The following SLC24A3 variants were observed in gnomAD, a reference collection of about 807,000 sequenced individuals.
SLC24A3 encodes the protein sodium/potassium/calcium exchanger 3.
A neutral mutation model predicts 75.8 loss-of-function variants in SLC24A3; 28 were observed. That is an observed-to-expected ratio of 0.37 (90% CI 0.27 to 0.51). SLC24A3 has a LOEUF of 0.51. Ranked by LOEUF, SLC24A3 falls within the 20% of genes least tolerant of loss-of-function variation. The pLI is 0.94. For synonymous variants in SLC24A3, 372 were observed against 334.1 expected, an observed-to-expected ratio of 1.11 and a Z score of -1.24; for missense variants, 663 against 847.8, an observed-to-expected ratio of 0.78 and a Z score of 2.71.
Position 19,325,815 on chromosome 20 carries a change from G to T in SLC24A3, c.271+44728G>T, listed in dbSNP as rs1180485842. Among the ~76,000 whole-genome samples the T allele has an allele frequency of 2.2e-3, 237 of 106,226 alleles. 3 individuals carry two copies. Among genetic ancestry groups the T allele is most frequent in the African/African-American group, 0.012 (226 of 19,100 alleles). 69.7% of individuals were successfully genotyped at this position (106,226 alleles called of 152,430 possible). A position where few individuals can be genotyped will look rare whatever the true frequency, so the allele number is the denominator to read the frequency against. On this transcript the variant is annotated intron_variant, in intron 2 of 16. Coordinates refer to ENST00000328041, the MANE Select transcript of SLC24A3 (RefSeq NM_020689.4). The stretch of plus-strand genomic sequence containing the variant: ...ATATATAGAGAGAGAGAGAGAGAGA[G>T]AGAGAGAGAGAGAGAGAGAGAGAGG...
At chr20:19,695,341 C>T (rs1402773338) in intron 13 of SLC24A3, 2 of 152,166 alleles carry the variant, frequency 1.3e-5, no homozygotes, top group Non-Finnish European at 2.9e-5. Context: ...GAGGGAGATC[C>T]AGTGGCATCC....
At chr20:19,681,816 G>A (rs1483413759) in intron 9 of SLC24A3, 42 bp from the exon 10 acceptor site, 1 of 1,612,910 alleles carries the variant, frequency 6.2e-7, no homozygotes, top group Non-Finnish European at 8.5e-7. Context: ...ATGGGAGAAT[G>A]GAAAACACTG....
Position 19,609,476 on chromosome 20 carries a change from A to G in SLC24A3, c.612+23932A>G, listed in dbSNP as rs557088277. ...GCAGGCTTTTGTTATATAGGTATAC[A>G]TGTACCATGGTGGTTTGCTGCTATC... On this transcript the variant is annotated intron_variant, in intron 6 of 16. Transcript: ENST00000328041. Among the ~76,000 whole-genome samples the G allele has an allele frequency of 3.6e-4, 55 of 152,212 alleles. 1 individual carries two copies. The South Asian group carries it at 0.011, about 31-fold the overall frequency.
chr20:19,231,051 T>C (rs1053252419), intron 1 of SLC24A3, among the ~76,000 whole-genome samples: 1 of 152,222 alleles, frequency 6.6e-6, no homozygotes, highest in African/African-American at 2.4e-5. Flanking sequence ...CCCCACGTAA[T>C]TATCTCTGCA....
intron 3 of SLC24A3, among the ~76,000 whole-genome samples, chr20:19,562,898 T>C (rs534381697): frequency 6.6e-6 from 1 of 152,118 alleles, no homozygotes; most frequent in Non-Finnish European, 1.5e-5. Flanking sequence ...GGCAATAGGA[T>C]ACAGTATAGA....
chr20:19,475,065 G>A (rs1012801347), intron 2 of SLC24A3, among the ~76,000 whole-genome samples: 52 of 152,264 alleles, frequency 3.4e-4, no homozygotes, highest in African/African-American at 1.1e-3. Context: ...CAGGCTGGGC[G>A]CGGTGGCTCA....
At chr20:19,497,384 C>G (rs576410105) in intron 2 of SLC24A3, among the ~76,000 whole-genome samples, 2 of 152,264 alleles carry the variant, frequency 1.3e-5, no homozygotes, top group East Asian at 3.9e-4. Flanking sequence ...GAATCCCAGA[C>G]GCTATGTCCT....
At chr20:19,233,424 G>A (rs1982080704) in intron 1 of SLC24A3, among the ~76,000 whole-genome samples, 1 of 152,198 alleles carries the variant, frequency 6.6e-6, no homozygotes, top group African/African-American at 2.4e-5. Flanking sequence ...GCAGGCTTCT[G>A]GGGTACCATA....
intron 2 of SLC24A3, among the ~76,000 whole-genome samples, chr20:19,414,371 C>T (rs939553251): frequency 6.6e-6 from 1 of 152,140 alleles, no homozygotes; most frequent in Non-Finnish European, 1.5e-5. Context: ...CAGACATTTG[C>T]TTTATTTAAA....
Position 19,309,788 on chromosome 20 carries a change from C to A in SLC24A3, c.271+28701C>A, listed in dbSNP as rs1292908882. On this transcript the variant is annotated intron_variant, in intron 2 of 16. Coordinates refer to ENST00000328041, the MANE Select transcript of SLC24A3 (RefSeq NM_020689.4). ...ATGGCCCTTTATTGTTCATTTCTTA[C>A]CCATCCACATACCAACATAGAATCA... Among the ~76,000 whole-genome samples, 4 of 151,880 alleles carry A rather than the reference C, an allele frequency of 2.6e-5. No individual in the cohort carries two copies. In the East Asian group the frequency reaches 7.8e-4, roughly 30 times the overall value.
At chr20:19,505,845 A>C (rs116814208) in intron 2 of SLC24A3, among the ~76,000 whole-genome samples, 2,765 of 152,284 alleles carry the variant, frequency 0.018, 73 homozygotes, top group African/African-American at 0.063. Flanking sequence ...GAAAGAGATG[A>C]AGGTGCTTAG....
At chr20:19,500,030 G>A (rs1330270555) in intron 2 of SLC24A3, among the ~76,000 whole-genome samples, 1 of 152,142 alleles carries the variant, frequency 6.6e-6, no homozygotes, top group South Asian at 2.1e-4. Context: ...CGACATGGTG[G>A]ATGTAGCGAC....
intron 3 of SLC24A3, among the ~76,000 whole-genome samples, chr20:19,535,115 G>A (rs1210774783): frequency 1.3e-5 from 2 of 152,206 alleles, no homozygotes; most frequent in African/African-American, 4.8e-5. Flanking sequence ...GAGTAATGAT[G>A]ACTAACCATC....
At position 19,587,268 on chromosome 20, in the gene SLC24A3, G is replaced by T. The variant is rs144200917; in HGVS notation, c.612+1724G>T. ...CAAATGACTGGGGAGCATCTAGTCA[G>T]TGCCACACAACTAATTACTTATGAA... On this transcript the variant is annotated intron_variant, in intron 6 of 16. Coordinates refer to ENST00000328041, the MANE Select transcript of SLC24A3 (RefSeq NM_020689.4). Among the ~76,000 whole-genome samples the T allele has an allele frequency of 4.6e-5, 7 of 152,350 alleles. No individual in the cohort carries two copies. In the East Asian group the frequency reaches 1.3e-3, roughly 29 times the overall value.
At chr20:19,706,180 C>T (rs921293973) in intron 15 of SLC24A3, among the ~76,000 whole-genome samples, 2 of 152,180 alleles carry the variant, frequency 1.3e-5, no homozygotes, top group Non-Finnish European at 2.9e-5. Flanking sequence ...ATTCTCACCC[C>T]ACACTGTCTG....
At chr20:19,714,088 T>G (rs1404966090) in intron 15 of SLC24A3, among the ~76,000 whole-genome samples, 4 of 152,098 alleles carry the variant, frequency 2.6e-5, no homozygotes, top group Non-Finnish European at 5.9e-5. Flanking sequence ...TGAACTGAGT[T>G]CCAATAAAAT....
At chr20:19,623,897 C>A (rs1418586382) in intron 6 of SLC24A3, among the ~76,000 whole-genome samples, 9 of 152,178 alleles carry the variant, frequency 5.9e-5, no homozygotes, top group Non-Finnish European at 1.3e-4. Flanking sequence ...AGCACAAACA[C>A]TTGGTGGCCA....
chr20:19,447,155 C>T (rs966568153), intron 2 of SLC24A3, among the ~76,000 whole-genome samples: 4 of 152,192 alleles, frequency 2.6e-5, no homozygotes, highest in Non-Finnish European at 5.9e-5. Context: ...CTCCTTGAGC[C>T]TCAGATTCTT....
chr20:19,472,983 G>A (rs1268896310), intron 2 of SLC24A3, among the ~76,000 whole-genome samples: 1 of 152,198 alleles, frequency 6.6e-6, no homozygotes, highest in Non-Finnish European at 1.5e-5. Context: ...ACACTTGCTG[G>A]CCACTGGGCA....
Sources: allele counts gnomAD v4.1 joint callset (sites outside exome capture counted in the v4.1 genomes callset), GRCh38; gene constraint gnomAD v4.1.1; transcripts MANE v1.5; gene names NCBI Gene and HGNC (gene_info 2026-07-23, HGNC 2026-07-21).